Variants in CFAP43 observed in about 807,000 individuals in gnomAD.
CFAP43 encodes cilia and flagella associated protein 43, also known as cilia- and flagella-associated protein 43.
In CFAP43, 155 loss-of-function variants were observed where a neutral mutation model predicts 218.9. The observed-to-expected ratio is 0.71, with a 90% CI of 0.62 to 0.81. The LOEUF is 0.81. CFAP43 is among the 30% of genes least tolerant of loss of function. CFAP43 has a pLI of 0.00. For synonymous variants in CFAP43, 645 were observed against 681.3 expected (o/e 0.95, Z 0.83); for missense variants, 1,778 against 1,954.3 (o/e 0.91, Z 1.70).
intron 4 of CFAP43, 85 bp downstream of exon 4, chr10:104,214,173 AC>A: frequency 7.3e-7 from 1 of 1,366,996 alleles, no homozygotes; most frequent in Non-Finnish European, 9.8e-7. Flanking sequence ...GTATAAAGCC[AC>A]TTAATTCATC....
intron 1 of CFAP43, among the ~76,000 whole-genome samples, chr10:104,231,484 T>C (rs1232859263): frequency 1.3e-5 from 2 of 151,974 alleles, no homozygotes; most frequent in Non-Finnish European, 2.9e-5. Context: ...GGAGAGGAGA[T>C]GAAGGAGATT....
At chr10:104,209,635 G>A (rs2134965667) in intron 5 of CFAP43, among the ~76,000 whole-genome samples, 1 of 152,320 alleles carries the variant, frequency 6.6e-6, no homozygotes, top group South Asian at 2.1e-4. Flanking sequence ...TGTACAAAAT[G>A]TGAAATATAA....
intron 23 of CFAP43, among the ~76,000 whole-genome samples, chr10:104,165,607 A>T (rs918216176): frequency 1.3e-5 from 2 of 152,180 alleles, no homozygotes; most frequent in Non-Finnish European, 2.9e-5. Context: ...AACTATCTTC[A>T]TTGGCACAAT....
Position 104,192,583 on chromosome 10 carries a change from G to A in CFAP43, c.1443-281C>T, listed in dbSNP as rs542675836. 16 of 346,036 alleles carry A rather than the reference G, an allele frequency of 4.6e-5. No individual in the cohort carries two copies. The South Asian group carries it at 5.0e-4, about 11-fold the overall frequency. 21.4% of individuals were successfully genotyped at this position (346,036 alleles called of 1,614,324 possible). On this transcript the variant is annotated intron_variant, in intron 11 of 37. Coordinates refer to ENST00000357060, the MANE Select transcript of CFAP43 (RefSeq NM_025145.7). ...CATCATAAGTGAATGAAACATGTCT[G>A]TCGGTAGAGCTTTCTTGATGTTTCA...
rs960657784 is a variant in CFAP43, at chr10:104,210,391, C to T, written c.735+1616G>A. 4.6e-5 allele frequency among the ~76,000 whole-genome samples: 7 copies of T among 152,246 alleles called. No homozygotes were observed. The South Asian group carries it at 8.3e-4, about 18-fold the overall frequency. On this transcript the variant is annotated intron_variant, in intron 5 of 37. Coordinates refer to ENST00000357060, the MANE Select transcript of CFAP43 (RefSeq NM_025145.7). ...GTTTAGCTTAGTTTAGTTTTTGAGACGGAGTCTCGCTGTCACCCAGGCTGG... is the reference window on the plus strand; with the variant it reads ...GTTTAGCTTAGTTTAGTTTTTGAGATGGAGTCTCGCTGTCACCCAGGCTGG...
chr10:104,207,622 C>A (rs2090733213), intron 6 of CFAP43, 43 bp downstream of exon 6: 1 of 1,547,740 alleles, frequency 6.5e-7, no homozygotes, highest in Non-Finnish European at 8.7e-7. Flanking sequence ...AAAAAACCAA[C>A]ACCCATGGCT....
At chr10:104,162,643 G>A (rs1357896947) in intron 24 of CFAP43, among the ~76,000 whole-genome samples, 3 of 151,942 alleles carry the variant, frequency 2.0e-5, no homozygotes, top group African/African-American at 7.3e-5. Context: ...ATTATAACAG[G>A]GAACCTGATA....
At position 104,232,183 on chromosome 10, in the gene CFAP43, T is replaced by C; in HGVS notation, c.64A>G (p.Arg22Gly). The C allele has an allele frequency of 6.2e-7, 1 of 1,609,006 alleles. No individual in the cohort carries two copies. The highest frequency in any genetic ancestry group is 1.3e-5 in the African/African-American group (1 of 74,790). The change falls in exon 1 of 38, where the codon AGA (arginine) becomes GGA (glycine). Residue 22 changes from arginine to glycine, a missense_variant and splice_region_variant. Transcript: ENST00000357060. ...HSAGGASLSVRWVQGFPKQNV... is the reference protein window; with the variant it reads ...HSAGGASLSVGWVQGFPKQNV... ...GTCGCGGGGCCGTGAACACCGCACC[T>C]CACGGACAAGGACGCGCCGCCGGCG...
intron 1 of CFAP43, among the ~76,000 whole-genome samples, chr10:104,231,553 A>G (rs192305038): frequency 6.6e-6 from 1 of 152,300 alleles, no homozygotes; most frequent in Admixed American, 6.5e-5. Flanking sequence ...CAAGTGAAGG[A>G]CACTGGTTTG....
intron 26 of CFAP43, among the ~76,000 whole-genome samples, chr10:104,161,465 C>T (rs1359206187): frequency 6.6e-6 from 1 of 152,102 alleles, no homozygotes; most frequent in East Asian, 1.9e-4. Context: ...TGTCAGGTAT[C>T]AAAGAAAATG....
chr10:104,185,516 G>T (rs1321345989), intron 15 of CFAP43, among the ~76,000 whole-genome samples: 1 of 152,086 alleles, frequency 6.6e-6, no homozygotes, highest in East Asian at 1.9e-4. Context: ...AGTCAGGGAG[G>T]TTCTATTTAT....
chr10:104,159,612 G>T (rs149209712), intron 27 of CFAP43, among the ~76,000 whole-genome samples: 173 of 152,304 alleles, frequency 1.1e-3, no homozygotes, highest in African/African-American at 4.0e-3. Flanking sequence ...AGACGCCATG[G>T]ATTCAGTGGA....
intron 2 of CFAP43, among the ~76,000 whole-genome samples, chr10:104,228,811 A>C (rs2091371974): frequency 6.6e-6 from 1 of 152,208 alleles, no homozygotes; most frequent in Non-Finnish European, 1.5e-5. Context: ...TGTTAGTCCT[A>C]GCAGACTATC....
At chr10:104,155,869 G>A (rs1185816574) in intron 27 of CFAP43, among the ~76,000 whole-genome samples, 1 of 151,946 alleles carries the variant, frequency 6.6e-6, no homozygotes, top group Admixed American at 6.6e-5. Context: ...AACAGTTAAT[G>A]AGGGAAAGAA....
chr10:104,209,667 G>T (rs1254651784), intron 5 of CFAP43, among the ~76,000 whole-genome samples: 1 of 152,138 alleles, frequency 6.6e-6, no homozygotes, highest in Non-Finnish European at 1.5e-5. Context: ...CATATTTTCT[G>T]CCCAGAAAAA....
intron 16 of CFAP43, 27 bp downstream of exon 16, chr10:104,184,989 G>C (rs773478536): frequency 1.2e-6 from 2 of 1,611,694 alleles, no homozygotes; most frequent in African/African-American, 2.7e-5. Flanking sequence ...ATACTACATG[G>C]GGTTACTTAC....
Position 104,146,340 on chromosome 10 carries a change from A to G in CFAP43, c.3778T>C (p.Ser1260Pro). 6.2e-7 allele frequency: 1 copy of G among 1,613,548 alleles called. No homozygotes were observed. The highest frequency in any genetic ancestry group is 8.5e-7 in the Non-Finnish European group (1 of 1,179,580). ...TCTCTAGATTTCCGAACAGCTTCTG[A>G]AGTCTGGCTCTATAACAGCATCAGG... is the stretch of plus-strand genomic sequence containing the variant. ...TRKQHEKSQT[S>P]EAVRKSREDL... The change falls in exon 30 of 38, where the codon TCA (serine) becomes CCA (proline). Residue 1260 changes from serine to proline, a missense_variant. Around this residue, in one of 3 missense-constraint regions of CFAP43, gnomAD observed 1,553 missense variants for 1,685.2 expected, o/e 0.92. Coordinates refer to ENST00000357060, the MANE Select transcript of CFAP43 (RefSeq NM_025145.7).
Position 104,185,969 on chromosome 10 carries a change from C to T in CFAP43, c.2010+5G>A. 1 of 1,609,018 alleles carries T rather than the reference C, an allele frequency of 6.2e-7. No individual in the cohort carries two copies. The highest frequency in any genetic ancestry group is 8.5e-7 in the Non-Finnish European group (1 of 1,178,528). On this transcript the variant is annotated splice_donor_5th_base_variant and intron_variant, in intron 15 of 37. Transcript: ENST00000357060. ...ACAATATTTTTTTTTAAGAAAGCAG[C>T]TTACCAAAGTATAAACGTCTCGGAT...
chr10:104,220,087 G>C (rs2091135849), intron 3 of CFAP43, among the ~76,000 whole-genome samples: 1 of 152,130 alleles, frequency 6.6e-6, no homozygotes, highest in African/African-American at 2.4e-5. Context: ...TTATATAAAG[G>C]GAACATTTGG....
Sources: gnomAD v4.1 joint callset for allele counts (sites outside exome capture counted in the v4.1 genomes callset) on GRCh38, gnomAD v4.1.1 for gene constraint, gnomAD v4.1.1 regional missense constraint, MANE v1.5 for transcripts, NCBI Gene and HGNC (gene_info 2026-07-23, HGNC 2026-07-21) for gene names.